The following POT1 variants were observed in gnomAD, a reference collection of about 807,000 sequenced individuals.
POT1 encodes protection of telomeres protein 1.
Under a neutral mutation model 78.5 loss-of-function variants are expected in POT1, and 47 were observed. The observed-to-expected ratio is 0.60, with a 90% CI of 0.47 to 0.76. The LOEUF (loss-of-function observed/expected upper bound fraction) is 0.76, where lower values mean the gene tolerates loss of function less well. Ranked by LOEUF, POT1 falls within the 30% of genes least tolerant of loss-of-function variation. The pLI is 0.00. For missense variants in POT1, 646 were observed against 749.9 expected (o/e 0.86, Z 1.62); for synonymous variants, 259 against 260.7 (o/e 0.99, Z 0.06).
chr7:124,846,881 T>C, intron 12 of POT1, 61 bp downstream of exon 12: 1 of 1,190,930 alleles, frequency 8.4e-7, no homozygotes, highest in Non-Finnish European at 1.2e-6. Flanking sequence ...CTGGTAAGTG[T>C]AGAGGCAGAC....
At chr7:124,915,858 T>A (rs1797003165) in intron 2 of POT1, among the ~76,000 whole-genome samples, 1 of 152,176 alleles carries the variant, frequency 6.6e-6, no homozygotes, top group Non-Finnish European at 1.5e-5. Flanking sequence ...GTTTATAATA[T>A]AATTTCCTAA....
At chr7:124,909,350 T>C (rs1400735630) in intron 3 of POT1, among the ~76,000 whole-genome samples, 1 of 151,928 alleles carries the variant, frequency 6.6e-6, no homozygotes, top group Non-Finnish European at 1.5e-5. Flanking sequence ...AAATTCATTT[T>C]AGTGTTTTAG....
chr7:124,902,189 C>T (rs1488513488), intron 3 of POT1, among the ~76,000 whole-genome samples: 3 of 152,106 alleles, frequency 2.0e-5, no homozygotes, highest in African/African-American at 7.2e-5. Flanking sequence ...CACAAAGATG[C>T]TCCTCGAGAA....
chr7:124,842,118 T>G (rs1795042399), intron 13 of POT1, among the ~76,000 whole-genome samples: 1 of 152,016 alleles, frequency 6.6e-6, no homozygotes, highest in Non-Finnish European at 1.5e-5. Context: ...TAGTGAAGAC[T>G]CAATTTAGGG....
chr7:124,922,312 C>T (rs1797171383), intron 2 of POT1, among the ~76,000 whole-genome samples: 1 of 151,874 alleles, frequency 6.6e-6, no homozygotes, highest in African/African-American at 2.4e-5. Flanking sequence ...ATGAAGAACA[C>T]CAGAAATGGT....
At chr7:124,892,041 C>A (rs1796383885) in intron 6 of POT1, among the ~76,000 whole-genome samples, 1 of 151,484 alleles carries the variant, frequency 6.6e-6, no homozygotes, top group Non-Finnish European at 1.5e-5. Flanking sequence ...TGTTTGGCAT[C>A]CTTTGCTTCA....
At chr7:124,903,165 C>A (rs1379504205) in intron 3 of POT1, among the ~76,000 whole-genome samples, 1 of 152,166 alleles carries the variant, frequency 6.6e-6, no homozygotes, top group Non-Finnish European at 1.5e-5. Context: ...CGGCTCTGCA[C>A]CAAGCGGACC....
intron 5 of POT1, among the ~76,000 whole-genome samples, chr7:124,896,537 C>T (rs529180138): frequency 6.6e-6 from 1 of 151,592 alleles, no homozygotes; most frequent in South Asian, 2.1e-4. Context: ...CCATTTGAAA[C>T]TAAAGGTTCA....
intron 2 of POT1, among the ~76,000 whole-genome samples, chr7:124,928,532 T>C (rs182185462): frequency 5.3e-5 from 8 of 152,316 alleles, no homozygotes; most frequent in Non-Finnish European, 2.9e-5. Context: ...GGAGATCAGG[T>C]GATTGATCTG....
At chr7:124,849,054 C>T (rs541912863) in intron 11 of POT1, among the ~76,000 whole-genome samples, 22 of 152,176 alleles carry the variant, frequency 1.4e-4, no homozygotes, top group African/African-American at 5.1e-4. Flanking sequence ...CATAACAGTA[C>T]ATTATGTTTT....
intron 3 of POT1, among the ~76,000 whole-genome samples, chr7:124,910,655 A>AATAAAC (rs1259974059): frequency 6.6e-6 from 1 of 151,984 alleles, no homozygotes; most frequent in Non-Finnish European, 1.5e-5. Context: ...AACTATGTAA[A>AATAAAC]ATAAACAAAG....
Position 124,823,842 on chromosome 7 carries a change from T to C in POT1, c.*120A>G, listed in dbSNP as rs1234537640. 3 of 671,860 alleles carry C rather than the reference T, an allele frequency of 4.5e-6. No homozygotes were observed. Among genetic ancestry groups the C allele is most frequent in the Middle Eastern group, 2.4e-4 (1 of 4,090 alleles). 41.6% of individuals were successfully genotyped at this position (671,860 alleles called of 1,614,324 possible). The stretch of plus-strand genomic sequence containing the variant: ...AGAGATTTAAGGTAAGGACATTTTC[T>C]AATCCCATACCCATGCTAACATCAT... On this transcript the variant is annotated 3_prime_UTR_variant, in exon 19 of 19. Coordinates refer to ENST00000357628, the MANE Select transcript of POT1 (RefSeq NM_015450.3).
chr7:124,913,220 G>A (rs916381666), intron 3 of POT1, among the ~76,000 whole-genome samples: 3 of 152,172 alleles, frequency 2.0e-5, no homozygotes, highest in Admixed American at 6.5e-5. Flanking sequence ...TTCAAGATGA[G>A]ATGTGGGTGG....
At chr7:124,925,918 A>C (rs952413883) in intron 2 of POT1, among the ~76,000 whole-genome samples, 1 of 152,180 alleles carries the variant, frequency 6.6e-6, no homozygotes, top group Non-Finnish European at 1.5e-5. Context: ...CAGAAGAGTG[A>C]AACTGGAACG....
chr7:124,838,733 G>A (rs1216500918), intron 14 of POT1, among the ~76,000 whole-genome samples: 3 of 152,026 alleles, frequency 2.0e-5, no homozygotes, highest in Non-Finnish European at 4.4e-5. Flanking sequence ...AGCCTCCCGA[G>A]TAGTTGGGAT....
chr7:124,867,033 T>C (rs1401441848), intron 7 of POT1, among the ~76,000 whole-genome samples: 1 of 152,232 alleles, frequency 6.6e-6, no homozygotes, highest in African/African-American at 2.4e-5. Context: ...CACTAGTGTA[T>C]ACTGTTGACT....
intron 2 of POT1, among the ~76,000 whole-genome samples, chr7:124,923,854 A>G (rs1008688422): frequency 6.6e-6 from 1 of 151,788 alleles, no homozygotes; most frequent in African/African-American, 2.4e-5. Context: ...GAAATCTTAC[A>G]GGCCAGAAGA....
intron 3 of POT1, among the ~76,000 whole-genome samples, chr7:124,910,426 A>G (rs572552321): frequency 6.6e-6 from 1 of 152,110 alleles, no homozygotes; most frequent in African/African-American, 2.4e-5. Context: ...GCTTATCACC[A>G]TCATCACAGA....
intron 6 of POT1, among the ~76,000 whole-genome samples, chr7:124,881,806 A>C (rs549529422): frequency 1.3e-5 from 2 of 152,022 alleles, no homozygotes; most frequent in African/African-American, 4.8e-5. Flanking sequence ...ATTAACAGGG[A>C]AAGTGGAAAG....
Sources: allele counts gnomAD v4.1 joint callset (sites outside exome capture counted in the v4.1 genomes callset), GRCh38; gene constraint gnomAD v4.1.1; transcripts MANE v1.5; gene names NCBI Gene and HGNC (gene_info 2026-07-23, HGNC 2026-07-21).